Variants in FAM184B observed in about 807,000 individuals in gnomAD.
FAM184B encodes family with sequence similarity 184 member B.
FAM184B carries 111 observed loss-of-function variants against 135.9 expected under a neutral mutation model. The ratio of observed to expected loss-of-function variants is 0.82; its 90% CI spans 0.70 to 0.96. The LOEUF (loss-of-function observed/expected upper bound fraction) is 0.96, where lower values mean the gene tolerates loss of function less well. Among genes scored for constraint, FAM184B ranks in the 40% least tolerant of loss-of-function variants. FAM184B has a pLI of 0.00. For synonymous variants in FAM184B, 552 were observed against 524.8 expected (o/e 1.05, Z -0.71); for missense variants, 1,375 against 1,323.9 (o/e 1.04, Z -0.60).
At chr4:17,705,248 G>A in intron 4 of FAM184B, 42 bp from the exon 5 acceptor site, 1 of 1,452,490 alleles carries the variant, frequency 6.9e-7, no homozygotes, top group Non-Finnish European at 9.4e-7. Flanking sequence ...CTGGGGAGGG[G>A]TGAGGAGCAA....
intron 5 of FAM184B, among the ~76,000 whole-genome samples, chr4:17,698,379 G>A (rs565198183): frequency 6.6e-6 from 1 of 151,192 alleles, no homozygotes; most frequent in Non-Finnish European, 1.5e-5. Flanking sequence ...ACAATTACAG[G>A]TAATTAAGGA....
chr4:17,688,062 G>T (rs908797068), intron 7 of FAM184B, among the ~76,000 whole-genome samples: 2 of 152,178 alleles, frequency 1.3e-5, no homozygotes, highest in African/African-American at 2.4e-5. Context: ...GCAGACAGCC[G>T]GGGCAAGAGA....
At chr4:17,721,673 C>G (rs537345487) in intron 1 of FAM184B, among the ~76,000 whole-genome samples, 36 of 152,306 alleles carry the variant, frequency 2.4e-4, no homozygotes, top group African/African-American at 8.7e-4. Flanking sequence ...GGGTCAGACC[C>G]TCACAAGTCC....
At chr4:17,705,305 T>G (rs13139898) in intron 4 of FAM184B, 99 bp from the exon 5 acceptor site, 336,462 of 875,030 alleles carry the variant, frequency 0.38, 69,984 homozygotes, top group Non-Finnish European at 0.43. Context: ...GTTTATACAC[T>G]GTTTTTACAG....
intron 10 of FAM184B, among the ~76,000 whole-genome samples, chr4:17,657,823 A>G (rs930473494): frequency 1.3e-5 from 2 of 151,630 alleles, no homozygotes; most frequent in Admixed American, 1.3e-4. Context: ...CGCCGAGTTA[A>G]TTTTTGTATT....
intron 14 of FAM184B, among the ~76,000 whole-genome samples, chr4:17,638,860 C>T (rs1715227088): frequency 6.6e-6 from 1 of 152,022 alleles, no homozygotes; most frequent in Admixed American, 6.5e-5. Flanking sequence ...GCCTCCTGCC[C>T]TGAACTTGCT....
intron 6 of FAM184B, among the ~76,000 whole-genome samples, chr4:17,690,821 T>G (rs1314062345): frequency 6.6e-6 from 1 of 152,014 alleles, no homozygotes; most frequent in African/African-American, 2.4e-5. Context: ...CAGAAAGGCT[T>G]AAGGCGTAGG....
intron 12 of FAM184B, among the ~76,000 whole-genome samples, chr4:17,643,774 C>T (rs942309546): frequency 3.9e-5 from 6 of 152,198 alleles, no homozygotes; most frequent in Admixed American, 1.3e-4. Context: ...CAGGACTGGC[C>T]ACCAATGAAT....
At chr4:17,700,797 C>G (rs1283764889) in intron 5 of FAM184B, among the ~76,000 whole-genome samples, 1 of 152,008 alleles carries the variant, frequency 6.6e-6, no homozygotes, top group Non-Finnish European at 1.5e-5. Flanking sequence ...TATTATCTAA[C>G]CACAGGGGAA....
intron 11 of FAM184B, among the ~76,000 whole-genome samples, chr4:17,651,217 C>T (rs1438571278): frequency 6.6e-6 from 1 of 152,036 alleles, no homozygotes; most frequent in Admixed American, 6.6e-5. Flanking sequence ...TGAGAGAGGT[C>T]TCCAGAATCA....
At chr4:17,766,828 G>A (rs1299712298) in intron 1 of FAM184B, among the ~76,000 whole-genome samples, 6 of 152,210 alleles carry the variant, frequency 3.9e-5, no homozygotes, top group Non-Finnish European at 2.9e-5. Flanking sequence ...GCCCCTGGGC[G>A]GTCAATGGGA....
intron 1 of FAM184B, among the ~76,000 whole-genome samples, chr4:17,758,545 A>AT (rs1215661490): frequency 1.3e-5 from 2 of 152,126 alleles, no homozygotes; most frequent in East Asian, 3.9e-4. Context: ...GACAGGTGTG[A>AT]TTTTTTTCCA....
intron 13 of FAM184B, among the ~76,000 whole-genome samples, chr4:17,640,108 A>G (rs1715264643): frequency 9.9e-6 from 1 of 100,872 alleles, no homozygotes; most frequent in Admixed American, 1.2e-4. Context: ...CTGGGATTAC[A>G]CGCGTGAGCC....
At chr4:17,688,374 G>T in intron 7 of FAM184B, 50 bp downstream of exon 7, 2 of 1,400,810 alleles carry the variant, frequency 1.4e-6, no homozygotes, top group South Asian at 1.3e-5. Flanking sequence ...GAAAGGCTGA[G>T]ACCGAGAAAA....
At chr4:17,754,663 ACACATG>A (rs1456743935) in intron 1 of FAM184B, among the ~76,000 whole-genome samples, 1 of 152,116 alleles carries the variant, frequency 6.6e-6, no homozygotes, top group African/African-American at 2.4e-5. Context: ...AAAGAACTGC[ACACATG>A]CACACACCCA....
At chr4:17,738,360 A>G (rs1717954565) in intron 1 of FAM184B, among the ~76,000 whole-genome samples, 1 of 152,046 alleles carries the variant, frequency 6.6e-6, no homozygotes, top group Admixed American at 6.6e-5. Flanking sequence ...TTGGAGAGAG[A>G]GTTAAAGATA....
chr4:17,705,147 A>C lies in FAM184B; in HGVS notation c.1230T>G (p.Leu410=). The C allele has an allele frequency of 6.4e-7, 1 of 1,551,742 alleles. No individual in the cohort carries two copies. Among genetic ancestry groups the C allele is most frequent in the East Asian group, 2.4e-5 (1 of 40,908 alleles). ...CTTCTGTCTGATGTTTGATTTTACG[A>C]AGGTCTTCTTCATATTGTTGCTTCA... ...EYMKQQYEED[L]RKIKHQTEEE... The change falls in exon 5 of 18, where the codon CTT becomes CTG. Residue 410 remains leucine (L), a synonymous_variant. Transcript: ENST00000265018.
At position 17,764,358 on chromosome 4, in the gene FAM184B, C is replaced by T. The variant is rs115463358; in HGVS notation, c.141+16801G>A. On this transcript the variant is annotated intron_variant, in intron 1 of 17. Transcript: ENST00000265018. ...CTCTTTGCACTCCACAAGACCCCTC[C>T]AAATTGCACCTCTAATCTGGAAGGG... 5.7e-3 allele frequency among the ~76,000 whole-genome samples: 867 copies of T among 152,332 alleles called. 10 individuals carry two copies. The highest frequency in any genetic ancestry group is 0.02 in the African/African-American group (828 of 41,578).
intron 5 of FAM184B, among the ~76,000 whole-genome samples, chr4:17,693,706 T>C (rs1319546341): frequency 6.6e-6 from 1 of 152,220 alleles, no homozygotes; most frequent in East Asian, 1.9e-4. Flanking sequence ...CATTCATTAC[T>C]AACAAACTTG....
Sources: allele counts gnomAD v4.1 joint callset (sites outside exome capture counted in the v4.1 genomes callset), GRCh38; gene constraint gnomAD v4.1.1; transcripts MANE v1.5; gene names NCBI Gene and HGNC (gene_info 2026-07-23, HGNC 2026-07-21).